ZMYND8: variants seen among roughly 807,000 people sequenced by gnomAD.
ZMYND8 encodes zinc finger MYND-type containing 8, also known as MYND-type zinc finger-containing chromatin reader ZMYND8.
A neutral mutation model predicts 140.8 loss-of-function variants in ZMYND8; 37 were observed. The ratio of observed to expected loss-of-function variants is 0.26; its 90% CI spans 0.20 to 0.35. The LOEUF is 0.35. Among genes scored for constraint, ZMYND8 ranks in the 10% least tolerant of loss-of-function variants. The probability of loss-of-function intolerance (pLI) is 1.00; values close to 1 mark genes in which losing one functional copy is unlikely to be tolerated. For missense variants in ZMYND8, 1,068 were observed against 1,570.0 expected (o/e 0.68, Z 5.40); for synonymous variants, 592 against 597.1 (o/e 0.99, Z 0.12).
intron 3 of ZMYND8, among the ~76,000 whole-genome samples, chr20:47,305,083 A>T (rs553958359): frequency 1.5e-4 from 21 of 143,960 alleles, no homozygotes; most frequent in African/African-American, 5.2e-4. Context: ...ACAAAAAGTT[A>T]AAAAAAAAAA....
At chr20:47,299,676 C>T (rs192930493) in intron 3 of ZMYND8, among the ~76,000 whole-genome samples, 110 of 152,142 alleles carry the variant, frequency 7.2e-4, no homozygotes, top group African/African-American at 2.4e-3. Flanking sequence ...CTCTGCCTCC[C>T]GGGTTCAAGC....
chr20:47,212,780 C>T (rs958374366), intron 21 of ZMYND8, 55 bp from the exon 22 acceptor site: 2 of 1,497,016 alleles, frequency 1.3e-6, no homozygotes, highest in East Asian at 4.6e-5. Context: ...GAATTCCGCA[C>T]AACCCCAAGT....
Position 47,282,142 on chromosome 20 carries a change from C to T in ZMYND8, c.958G>A (p.Asp320Asn). Residue 320 changes from aspartate (D) to asparagine (N), a missense_variant, in exon 10 of 23, where the codon GAC (aspartate) becomes AAC (asparagine). Around this residue, in one of 10 missense-constraint regions of ZMYND8, gnomAD observed 109 missense variants for 314.9 expected, o/e 0.35. Coordinates refer to ENST00000471951, the MANE Select transcript of ZMYND8 (RefSeq NM_001281775.3). ...FWPAKALRDK[D>N]GQVDARFFGQ... ...AAGAATCGGGCATCGACCTGCCCGT[C>T]TTTATCCCTTAGAGCTTTTGCAGGC... The T allele has an allele frequency of 6.2e-7, 1 of 1,614,094 alleles. No individual in the cohort carries two copies. The highest frequency in any genetic ancestry group is 8.5e-7 in the Non-Finnish European group (1 of 1,179,982).
intron 12 of ZMYND8, among the ~76,000 whole-genome samples, chr20:47,260,480 T>C (rs12481091): frequency 4.9e-5 from 1 of 20,484 alleles, no homozygotes; most frequent in Non-Finnish European, 1.0e-4. Flanking sequence ...GTTACTCCTA[T>C]AGCACACCAA....
chr20:47,227,116 G>C (rs1357556879), intron 18 of ZMYND8, 87 bp downstream of exon 18: 2 of 1,341,394 alleles, frequency 1.5e-6, no homozygotes, highest in Non-Finnish European at 2.1e-6. Context: ...AGCTTTAATT[G>C]CACTCACATC....
At chr20:47,215,433 A>C (rs1288003746) in intron 21 of ZMYND8, among the ~76,000 whole-genome samples, 1 of 152,102 alleles carries the variant, frequency 6.6e-6, no homozygotes, top group Non-Finnish European at 1.5e-5. Context: ...GGGATGGTGG[A>C]GTATCAGAAT....
chr20:47,243,739 G>A (rs2040227169), intron 14 of ZMYND8, among the ~76,000 whole-genome samples: 1 of 151,992 alleles, frequency 6.6e-6, no homozygotes, highest in African/African-American at 2.4e-5. Context: ...GAAGAGGTAG[G>A]GGCACAAAAC....
At chr20:47,341,130 C>G (rs1003671836) in intron 2 of ZMYND8, among the ~76,000 whole-genome samples, 9 of 151,976 alleles carry the variant, frequency 5.9e-5, no homozygotes, top group African/African-American at 2.2e-4. Flanking sequence ...TGTGGTAATG[C>G]GAAAAGGTCA....
intron 11 of ZMYND8, among the ~76,000 whole-genome samples, chr20:47,273,741 T>A (rs541213555): frequency 1.3e-5 from 2 of 152,210 alleles, no homozygotes; most frequent in Admixed American, 6.5e-5. Flanking sequence ...TAATTGATCC[T>A]CCCAGCTCAG....
Position 47,248,028 on chromosome 20 carries a change from A to G in ZMYND8, c.1774+1259T>C, listed in dbSNP as rs147281874. ...AGGTAATGATTGGAAACAAGAAGGA[A>G]AAGTGTAAGCACATATGTGATAGGA... On this transcript the variant is annotated intron_variant, in intron 13 of 22. Coordinates refer to ENST00000471951, the MANE Select transcript of ZMYND8 (RefSeq NM_001281775.3). Among the ~76,000 whole-genome samples the G allele has an allele frequency of 4.5e-3, 683 of 152,342 alleles. 4 individuals carry two copies. The highest frequency in any genetic ancestry group is 0.031 in the South Asian group (148 of 4,828).
chr20:47,224,703 C>T lies in ZMYND8; in HGVS notation c.3017-147G>A, dbSNP rs968593440. The T allele has an allele frequency of 3.6e-6, 5 of 1,401,440 alleles. No homozygotes were observed. In the East Asian group the frequency reaches 7.2e-5, roughly 20 times the overall value. The allele number at this position is 1,401,440 out of a possible 1,614,324, so 86.8% of individuals were successfully genotyped here. ...TGTGCCCATGGGCAATAACCTAGCCCGAGTCTTCATCTGTAAATAGGGCAT... is the reference window on the plus strand; with the variant it reads ...TGTGCCCATGGGCAATAACCTAGCCTGAGTCTTCATCTGTAAATAGGGCAT... On this transcript the variant is annotated intron_variant, in intron 18 of 22. Coordinates refer to ENST00000471951, the MANE Select transcript of ZMYND8 (RefSeq NM_001281775.3).
intron 3 of ZMYND8, among the ~76,000 whole-genome samples, chr20:47,301,865 A>G (rs924938931): frequency 1.3e-5 from 2 of 152,038 alleles, no homozygotes; most frequent in African/African-American, 4.8e-5. Context: ...CATGGGAGGG[A>G]CCCAGTGGGA....
chr20:47,291,031 TGTATC>T (rs2077232173), intron 6 of ZMYND8, among the ~76,000 whole-genome samples: 1 of 152,362 alleles, frequency 6.6e-6, no homozygotes, highest in African/African-American at 2.4e-5. Context: ...TGTTAAGGAA[TGTATC>T]TAAAGTTCCA....
In ZMYND8 at chr20:47,283,592, A is replaced by G. The variant is rs1179939934; in HGVS notation, c.861T>C (p.Asp287=). Residue 287 remains aspartate, a synonymous_variant, in exon 9 of 23, where the codon GAT becomes GAC. Transcript: ENST00000471951. The part of the protein sequence containing the change: ...ECYLAACQKR[D]NWFCEPCSNP... ...TTACACAAGGCTCACAAAACCAGTTATCTCGTTTTTGGCAAGCAGCTAGAT... is the reference window on the plus strand; with the variant it reads ...TTACACAAGGCTCACAAAACCAGTTGTCTCGTTTTTGGCAAGCAGCTAGAT... 1 of 1,614,188 alleles carries G rather than the reference A, an allele frequency of 6.2e-7. No homozygotes were observed. The highest frequency in any genetic ancestry group is 8.5e-7 in the Non-Finnish European group (1 of 1,180,004).
intron 11 of ZMYND8, among the ~76,000 whole-genome samples, chr20:47,262,809 T>A (rs1392452909): frequency 6.6e-6 from 1 of 152,170 alleles, no homozygotes; most frequent in Non-Finnish European, 1.5e-5. Context: ...GAGCCAGGCT[T>A]ACAAATGCGT....
chr20:47,224,679 G>A (rs1033779880), intron 18 of ZMYND8, 123 bp from the exon 19 acceptor site: 1 of 1,517,082 alleles, frequency 6.6e-7, no homozygotes, highest in Non-Finnish European at 8.9e-7. Flanking sequence ...CCCTGGCTGT[G>A]TGCCCATGGG....
At chr20:47,254,094 C>T (rs535104154) in intron 12 of ZMYND8, among the ~76,000 whole-genome samples, 1 of 152,354 alleles carries the variant, frequency 6.6e-6, no homozygotes, top group Non-Finnish European at 1.5e-5. Context: ...GCTCATGTAG[C>T]TTATCGGGAC....
intron 21 of ZMYND8, among the ~76,000 whole-genome samples, chr20:47,213,250 C>T (rs576474603): frequency 2.0e-5 from 3 of 152,238 alleles, no homozygotes; most frequent in South Asian, 2.1e-4. Context: ...TTCTCAGCTA[C>T]GATGGTAGCA....
chr20:47,309,892 A>G (rs111577104), intron 3 of ZMYND8, among the ~76,000 whole-genome samples, 164 bp downstream of exon 3: 3 of 152,130 alleles, frequency 2.0e-5, no homozygotes, highest in African/African-American at 7.2e-5. Context: ...ATTTCTACAC[A>G]GGCCCATTTT....
Sources: allele counts gnomAD v4.1 joint callset (sites outside exome capture counted in the v4.1 genomes callset), GRCh38; gene constraint gnomAD v4.1.1; regional missense constraint gnomAD v4.1.1; transcripts MANE v1.5; gene names NCBI Gene and HGNC (gene_info 2026-07-23, HGNC 2026-07-21).